ZNF57: variants seen among roughly 807,000 people sequenced by gnomAD.
ZNF57 encodes the protein zinc finger protein 57.
Under a neutral mutation model 13.4 loss-of-function variants are expected in ZNF57, and 11 were observed. The observed-to-expected ratio is 0.82, with a 90% CI of 0.52 to 1.36. The LOEUF (loss-of-function observed/expected upper bound fraction) is 1.36. ZNF57 is among the 40% of genes most tolerant of loss of function. ZNF57 has a pLI of 0.00. For missense variants in ZNF57, 696 were observed against 667.5 expected, an observed-to-expected ratio of 1.04 and a Z score of -0.47; for synonymous variants, 224 against 238.5, an observed-to-expected ratio of 0.94 and a Z score of 0.56.
intron 1 of ZNF57, among the ~76,000 whole-genome samples, chr19:2,913,479 T>C (rs559127714): frequency 1.3e-5 from 2 of 152,300 alleles, no homozygotes; most frequent in Non-Finnish European, 2.9e-5. Flanking sequence ...TTTATATAAG[T>C]TTTGGTATAT....
In ZNF57 at chr19:2,917,264, G is replaced by A. The variant is rs189035490; in HGVS notation, c.643G>A (p.Val215Ile). ...ACATCCTCGTTACCTCTCCCACCAC[G>A]TAAAGACTCACACAGCAGAGAAAAC... The part of the protein sequence containing the change: ...FQHPRYLSHH[V>I]KTHTAEKTYK... Residue 215 changes from valine to isoleucine, a missense_variant, in exon 4 of 4, where the codon GTA becomes ATA. Val to Ile is a conservative substitution (Grantham distance 29). This residue lies in a region of ZNF57 where 645 missense variants were observed against 591.5 expected (regional missense o/e 1.09). Coordinates refer to ENST00000306908, the MANE Select transcript of ZNF57 (RefSeq NM_173480.3). 1.3e-5 allele frequency: 21 copies of A among 1,614,124 alleles called. No homozygotes were observed. The highest frequency in any genetic ancestry group is 1.2e-4 in the Admixed American group (7 of 60,008).
At chr19:2,915,405 G>A (rs890759629) in intron 1 of ZNF57, 117 bp from the exon 2 acceptor site, 54 of 1,349,540 alleles carry the variant, frequency 4.0e-5, no homozygotes, top group South Asian at 9.7e-5. Flanking sequence ...TAACATTCGC[G>A]TCATAGAGGA....
intron 1 of ZNF57, among the ~76,000 whole-genome samples, chr19:2,906,650 C>T (rs895544661): frequency 1.3e-5 from 2 of 152,204 alleles, no homozygotes; most frequent in Non-Finnish European, 2.9e-5. Flanking sequence ...TACCAGGGAG[C>T]GTCGTCCTGG....
At chr19:2,907,643 C>G (rs2088087772) in intron 1 of ZNF57, among the ~76,000 whole-genome samples, 1 of 152,192 alleles carries the variant, frequency 6.6e-6, no homozygotes, top group Non-Finnish European at 1.5e-5. Context: ...AGCCTTCACC[C>G]TGTTCTTCGG....
At chr19:2,906,558 C>A (rs4807359) in intron 1 of ZNF57, among the ~76,000 whole-genome samples, 64,255 of 152,076 alleles carry the variant, frequency 0.42, 14,083 homozygotes, top group East Asian at 0.64. Context: ...ATGCAAGAAG[C>A]AGCCCCTTTG....
At chr19:2,903,603 G>A (rs1284319636) in intron 1 of ZNF57, among the ~76,000 whole-genome samples, 2 of 152,056 alleles carry the variant, frequency 1.3e-5, no homozygotes, top group Non-Finnish European at 2.9e-5. Context: ...TGCTCCCAGC[G>A]CTCATCTCTG....
In ZNF57 at chr19:2,917,024, G is replaced by A; in HGVS notation, c.403G>A (p.Ala135Thr). Residue 135 changes from alanine (A) to threonine (T), a missense_variant, in exon 4 of 4, where the codon GCT becomes ACT. Ala to Thr is a moderately conservative substitution (Grantham distance 58, BLOSUM62 0). Coordinates refer to ENST00000306908, the MANE Select transcript of ZNF57 (RefSeq NM_173480.3). The stretch of plus-strand genomic sequence containing the variant: ...TCTTACCCTGCACAAGAAAGTTTCT[G>A]CTGGAGAAAAACCATATGAATGCAC... ...PDLTLHKKVS[A>T]GEKPYECTKC... is the part of the protein sequence containing the mutation. The A allele has an allele frequency of 6.2e-7, 1 of 1,614,142 alleles. No homozygotes were observed. The highest frequency in any genetic ancestry group is 1.3e-5 in the African/African-American group (1 of 75,052).
chr19:2,910,634 GTATTTTTAGTAGAGA>G lies in ZNF57; in HGVS notation c.4-4887_4-4873del, dbSNP rs1206835409. On this transcript the variant is annotated intron_variant, in intron 1 of 3. Coordinates refer to ENST00000306908, the MANE Select transcript of ZNF57 (RefSeq NM_173480.3). ...CCCCGCCATGCCCAGCTAATTTTTT[GTATTTTTAGTAGAGA>G]CAGGGTTTCACCATGTTAGCCACGA... Among the ~76,000 whole-genome samples, 199 of 113,552 alleles carry G rather than the reference GTATTTTTAGTAGAGA, an allele frequency of 1.8e-3. 20 individuals are homozygous for G. The highest frequency in any genetic ancestry group is 5.7e-3 in the African/African-American group (192 of 33,880). 74.5% of individuals were successfully genotyped at this position (113,552 alleles called of 152,430 possible). A position where few individuals can be genotyped will look rare whatever the true frequency, so the allele number is the denominator to read the frequency against.
At chr19:2,911,360 GTC>G (rs2144928030) in intron 1 of ZNF57, among the ~76,000 whole-genome samples, 1 of 152,056 alleles carries the variant, frequency 6.6e-6, no homozygotes, top group African/African-American at 2.4e-5. Context: ...GTGAAACCCT[GTC>G]TCTACAAAAA....
chr19:2,902,632 T>C (rs566781312), intron 1 of ZNF57, among the ~76,000 whole-genome samples: 1 of 152,264 alleles, frequency 6.6e-6, no homozygotes, highest in South Asian at 2.1e-4. Context: ...TTTGCGACAG[T>C]GTGTGATCGT....
Position 2,918,401 on chromosome 19 carries a change from ACC to A in ZNF57, c.*113_*114del. ...CAAGTATGATATTGTCTTTGTCAAT[ACC>A]TCATTTGTAAAACAGACCCATTAGT... is the stretch of plus-strand genomic sequence containing the variant. On this transcript the variant is annotated 3_prime_UTR_variant, in exon 4 of 4. Transcript: ENST00000306908. The A allele has an allele frequency of 8.4e-7, 1 of 1,197,462 alleles. No homozygotes were observed. Among genetic ancestry groups the A allele is most frequent in the Non-Finnish European group, 1.2e-6 (1 of 869,486 alleles). The allele number at this position is 1,197,462 out of a possible 1,614,324, so 74.2% of individuals were successfully genotyped here.
intron 1 of ZNF57, among the ~76,000 whole-genome samples, chr19:2,902,119 G>A (rs1451219860): frequency 6.6e-6 from 1 of 150,968 alleles, no homozygotes; most frequent in African/African-American, 2.4e-5. Context: ...CACAAGGGCG[G>A]GGGGCTTGAC....
At chr19:2,901,201 G>T (rs2088026520) in intron 1 of ZNF57, among the ~76,000 whole-genome samples, 153 bp downstream of exon 1, 1 of 151,084 alleles carries the variant, frequency 6.6e-6, no homozygotes, top group South Asian at 2.1e-4. Flanking sequence ...CCATCACAGC[G>T]GCCGGGCTGG....
intron 1 of ZNF57, 62 bp downstream of exon 1, chr19:2,901,110 AGAGTCCGCCG>A (rs922446124): frequency 7.1e-6 from 10 of 1,411,842 alleles, no homozygotes; most frequent in Non-Finnish European, 9.3e-6. Flanking sequence ...GGCTGGAACC[AGAGTCCGCCG>A]AAGTCTGCGG....
In ZNF57 at chr19:2,916,172, A is replaced by T. The variant is rs2088192263; in HGVS notation, c.225A>T (p.Thr75=). ...KSKEQTIPNF[T]GNNSCAYTLE... ...AGGAACAGACAATACCAAACTTCAC[A>T]GGAAATAATTCCTGTGCCTACACTT... Residue 75 remains threonine, a synonymous_variant, in exon 3 of 4, where the codon ACA becomes ACT. Coordinates refer to ENST00000306908, the MANE Select transcript of ZNF57 (RefSeq NM_173480.3). 2 of 1,614,134 alleles carry T rather than the reference A, an allele frequency of 1.2e-6. No individual in the cohort carries two copies. The highest frequency in any genetic ancestry group is 1.7e-6 in the Non-Finnish European group (2 of 1,180,000).
chr19:2,912,821 T>C (rs1232768677), intron 1 of ZNF57, among the ~76,000 whole-genome samples: 1 of 152,214 alleles, frequency 6.6e-6, no homozygotes, highest in Non-Finnish European at 1.5e-5. Context: ...CTTATTTTCT[T>C]TTTTAGTTTT....
In ZNF57 at chr19:2,902,167, G is replaced by C. The variant is rs1390042608; in HGVS notation, c.3+1119G>C. ...AGCTCAGAGAACCTTACAGGGGACAGCTTGGGGGGATGGCAAGGGACGGCC... is the reference window on the plus strand; with the variant it reads ...AGCTCAGAGAACCTTACAGGGGACACCTTGGGGGGATGGCAAGGGACGGCC... On this transcript the variant is annotated intron_variant, in intron 1 of 3. Coordinates refer to ENST00000306908, the MANE Select transcript of ZNF57 (RefSeq NM_173480.3). Among the ~76,000 whole-genome samples the C allele has an allele frequency of 2.0e-5, 3 of 148,428 alleles. No homozygotes were observed. In the East Asian group the frequency reaches 6.0e-4, roughly 29 times the overall value.
chr19:2,906,020 C>T (rs1432438910), intron 1 of ZNF57, among the ~76,000 whole-genome samples: 2 of 152,080 alleles, frequency 1.3e-5, no homozygotes, highest in Non-Finnish European at 2.9e-5. Context: ...CCTTTGATGT[C>T]ATTCGGTAGT....
intron 1 of ZNF57, chr19:2,906,962 A>G (rs1599597224): frequency 6.8e-6 from 1 of 148,050 alleles, no homozygotes; most frequent in East Asian, 2.0e-4. Flanking sequence ...TGGCCAATTC[A>G]CCGCCACTGG....
Sources: allele counts gnomAD v4.1 joint callset (sites outside exome capture counted in the v4.1 genomes callset), GRCh38; gene constraint gnomAD v4.1.1; regional missense constraint gnomAD v4.1.1; transcripts MANE v1.5; gene names NCBI Gene and HGNC (gene_info 2026-07-23, HGNC 2026-07-21).